GUCY2F: variants seen among roughly 807,000 people sequenced by gnomAD.
GUCY2F encodes retinal guanylyl cyclase 2.
Under a neutral mutation model 73.1 loss-of-function variants are expected in GUCY2F, and 61 were observed. That is an observed-to-expected ratio of 0.83 (90% CI 0.68 to 1.03). The LOEUF is 1.03. Ranked by LOEUF, GUCY2F falls within the 50% of genes least tolerant of loss-of-function variation. GUCY2F has a pLI of 0.00. For missense variants in GUCY2F, 912 were observed against 854.3 expected (o/e 1.07, Z -0.84); for synonymous variants, 331 against 307.8 (o/e 1.08, Z -0.79).
intron 11 of GUCY2F, among the ~76,000 whole-genome samples, chrX:109,396,639 A>G (rs1185397676): frequency 8.9e-6 from 1 of 111,736 alleles, no homozygotes; most frequent in African/African-American, 3.3e-5. Flanking sequence ...CACCAGTGTG[A>G]CCTTCCCACC....
At chrX:109,459,287 G>A (rs1603385200) in intron 3 of GUCY2F, among the ~76,000 whole-genome samples, 1 of 111,645 alleles carries the variant, frequency 9.0e-6, no homozygotes, top group African/African-American at 3.3e-5. Context: ...TCAAACCTAA[G>A]TGCTTGCAGA....
intron 13 of GUCY2F, 104 bp downstream of exon 13, chrX:109,392,788 G>A (rs1930598286): frequency 2.0e-6 from 1 of 497,120 alleles, no homozygotes; most frequent in Admixed American, 3.2e-5. Context: ...GCAGGACAAG[G>A]GGAGGCAGCA....
rs1168146852 is a variant in GUCY2F at position 109,388,658 on chromosome X, C to G, written c.2787G>C (p.Glu929Asp). The G allele has an allele frequency of 1.7e-6, 2 of 1,174,566 alleles. No individual in the cohort carries two copies. The highest frequency in any genetic ancestry group is 2.3e-6 in the Non-Finnish European group (2 of 863,338). The change falls in exon 15 of 20, where the codon GAG becomes GAC. Residue 929 changes from glutamate (E) to aspartate (D), a missense_variant. Glu to Asp is a conservative substitution (Grantham distance 45). Coordinates refer to ENST00000218006, the MANE Select transcript of GUCY2F (RefSeq NM_001522.3). ...CCACCATGTAGGCATCTCCAATGGT[C>G]TCTACCTGGGAATTAGGAAAAATAG... ...IIGSHDVYKV[E>D]TIGDAYMVAS... is the part of the protein sequence containing the mutation.
chrX:109,413,208 T>G (rs1931154013), intron 8 of GUCY2F, among the ~76,000 whole-genome samples: 1 of 112,049 alleles, frequency 8.9e-6, no homozygotes. Context: ...CTACATGCAG[T>G]CATGTCCTAC....
chrX:109,457,639 G>T (rs989471193), intron 3 of GUCY2F, among the ~76,000 whole-genome samples: 2 of 111,402 alleles, frequency 1.8e-5, no homozygotes, highest in Admixed American at 9.5e-5. Flanking sequence ...ACTGTGAGCT[G>T]CAGGCAACCT....
intron 17 of GUCY2F, among the ~76,000 whole-genome samples, chrX:109,376,684 G>C (rs1234858887): frequency 9.0e-6 from 1 of 111,626 alleles, no homozygotes; most frequent in African/African-American, 3.3e-5. Context: ...TTACAGGTAG[G>C]GTAAGACTCC....
chrX:109,427,163 T>C (rs1410561478), intron 8 of GUCY2F, among the ~76,000 whole-genome samples: 1 of 112,166 alleles, frequency 8.9e-6, no homozygotes, highest in Non-Finnish European at 1.9e-5. Flanking sequence ...ACAGGGAAGA[T>C]AATATTCTCA....
In GUCY2F at chrX:109,475,417, G is replaced by T; in HGVS notation, c.520C>A (p.Arg174=). The T allele has an allele frequency of 8.3e-7, 1 of 1,210,644 alleles. No individual in the cohort carries two copies. The change falls in exon 2 of 20, where the codon CGG becomes AGG. Residue 174 remains arginine (R), a synonymous_variant. Transcript: ENST00000218006. ...TFSRTLPSPI[R]VLVTVMKYFQ... Reference sequence around the variant, plus strand: ...TATTTCATGACAGTTACAAGCACCCGGATGGGAGAAGGGAGTGTCCGAGAA... The same window carrying T: ...TATTTCATGACAGTTACAAGCACCCTGATGGGAGAAGGGAGTGTCCGAGAA...
intron 7 of GUCY2F, among the ~76,000 whole-genome samples, chrX:109,436,498 C>A (rs1317980722): frequency 8.1e-5 from 9 of 111,057 alleles, no homozygotes; most frequent in Non-Finnish European, 1.7e-4. Context: ...ATGTTTATTG[C>A]GGCACTATTC....
intron 8 of GUCY2F, among the ~76,000 whole-genome samples, chrX:109,425,435 A>G (rs1252575048): frequency 9.3e-6 from 1 of 108,099 alleles, no homozygotes; most frequent in East Asian, 2.9e-4. Flanking sequence ...TCATATATAC[A>G]TATATTTATA....
At chrX:109,420,492 G>T (rs1009334608) in intron 8 of GUCY2F, among the ~76,000 whole-genome samples, 2 of 110,294 alleles carry the variant, frequency 1.8e-5, no homozygotes, top group Admixed American at 9.6e-5. Context: ...GGACTTCCTT[G>T]AAACTAAAAA....
chrX:109,376,184 T>TA lies in GUCY2F; in HGVS notation c.3151-18dup, dbSNP rs1569352841. On this transcript the variant is annotated splice_polypyrimidine_tract_variant and intron_variant, in intron 17 of 19. Transcript: ENST00000218006. ...GCCTTTGCCCTTATTATAGAAAACA[T>TA]AAAAAATCTTAAGCCTGCTATAATC... 5 of 1,072,245 alleles carry TA rather than the reference T, an allele frequency of 4.7e-6. No individual in the cohort carries two copies. Among genetic ancestry groups the TA allele is most frequent in the Middle Eastern group, 2.6e-4 (1 of 3,801 alleles). The allele number at this position is 1,072,245 out of a possible 1,213,427, so 88.4% of individuals were successfully genotyped here.
At position 109,388,672 on chromosome X, in the gene GUCY2F, T is replaced by C; in HGVS notation, c.2782-9A>G. ...TCTCCAATGGTCTCTACCTGGGAAT[T>C]AGGAAAAATAGAATTAGCAAACAAC... is the stretch of plus-strand genomic sequence containing the variant. On this transcript the variant is annotated splice_polypyrimidine_tract_variant and intron_variant, in intron 14 of 19. Transcript: ENST00000218006. The C allele has an allele frequency of 8.7e-7, 1 of 1,145,260 alleles. No homozygotes were observed. The highest frequency in any genetic ancestry group is 1.2e-6 in the Non-Finnish European group (1 of 837,403). 94.4% of individuals were successfully genotyped at this position (1,145,260 alleles called of 1,213,427 possible).
At chrX:109,395,036 A>C (rs982153944) in intron 12 of GUCY2F, among the ~76,000 whole-genome samples, 2 of 112,056 alleles carry the variant, frequency 1.8e-5, no homozygotes, top group Admixed American at 1.9e-4. Context: ...CCATTGCCTT[A>C]CAAATGCCTG....
rs980542444 is a variant in GUCY2F, at chrX:109,466,137, A to G, written c.731-694T>C. 2.7e-5 allele frequency among the ~76,000 whole-genome samples: 3 copies of G among 111,791 alleles called. No individual in the cohort carries two copies. The South Asian group carries it at 1.1e-3, about 42-fold the overall frequency. On this transcript the variant is annotated intron_variant, in intron 2 of 19. Coordinates refer to ENST00000218006, the MANE Select transcript of GUCY2F (RefSeq NM_001522.3). ...AGGTTGAGTACTCCTTATACAAACT[A>G]TTGAAGACCAGAGGTGCTTCAGACT...
At chrX:109,452,581 G>T (rs2147277161) in intron 4 of GUCY2F, among the ~76,000 whole-genome samples, 1 of 111,826 alleles carries the variant, frequency 8.9e-6, no homozygotes, top group African/African-American at 3.2e-5. Context: ...GGTAAGTCTG[G>T]TTTTGATAAT....
chrX:109,384,979 GT>G (rs1930402084), intron 16 of GUCY2F, among the ~76,000 whole-genome samples: 1 of 111,657 alleles, frequency 9.0e-6, no homozygotes, highest in Non-Finnish European at 1.9e-5. Flanking sequence ...AAAGGTACAT[GT>G]TCAGTCCAAC....
chrX:109,390,853 T>C (rs1449459103), intron 14 of GUCY2F, among the ~76,000 whole-genome samples: 1 of 112,787 alleles, frequency 8.9e-6, no homozygotes, highest in Non-Finnish European at 1.9e-5. Flanking sequence ...AGGTATGATG[T>C]TTATTTCTGA....
intron 3 of GUCY2F, among the ~76,000 whole-genome samples, chrX:109,456,427 G>A (rs745870670): frequency 9.0e-6 from 1 of 111,649 alleles, no homozygotes; most frequent in Non-Finnish European, 1.9e-5. Context: ...AAGGCACAGA[G>A]CCTTCTGAGA....
Sources: gnomAD v4.1 joint callset for allele counts (sites outside exome capture counted in the v4.1 genomes callset) on GRCh38, gnomAD v4.1.1 for gene constraint, MANE v1.5 for transcripts, NCBI Gene and HGNC (gene_info 2026-07-23, HGNC 2026-07-21) for gene names.